Variants in ADCY5 observed in about 807,000 individuals in gnomAD.
ADCY5 encodes the protein adenylate cyclase type 5.
A neutral mutation model predicts 119.7 loss-of-function variants in ADCY5; 30 were observed. That is an observed-to-expected ratio of 0.25 (90% CI 0.19 to 0.34). The LOEUF (loss-of-function observed/expected upper bound fraction) is 0.34, where lower values mean the gene tolerates loss of function less well. Ranked by LOEUF, ADCY5 falls within the 10% of genes least tolerant of loss-of-function variation. The pLI is 1.00. For synonymous variants in ADCY5, 753 were observed against 762.2 expected (o/e 0.99, Z 0.20); for missense variants, 1,324 against 1,775.2 (o/e 0.75, Z 4.57).
chr3:123,358,454 T>C (rs552965898), intron 1 of ADCY5, among the ~76,000 whole-genome samples: 3 of 151,856 alleles, frequency 2.0e-5, no homozygotes, highest in Non-Finnish European at 4.4e-5. Context: ...AAAATAAAAA[T>C]AAAACAAATA....
rs1943499775 is a variant in ADCY5 at position 123,367,822 on chromosome 3, G to T, written c.1135-15241C>A. 11 of 1,503,386 alleles carry T rather than the reference G, an allele frequency of 7.3e-6. No individual in the cohort carries two copies. The Admixed American group carries it at 2.1e-4, about 29-fold the overall frequency. The allele number at this position is 1,503,386 out of a possible 1,614,324, so 93.1% of individuals were successfully genotyped here. A position where few individuals can be genotyped will look rare whatever the true frequency, so the allele number is the denominator to read the frequency against. ...CCCTCTTTCCATTCCTCACCTCTGGGGCTCATTTTAGGTCAGCAGAATCCA... is the reference window on the plus strand; with the variant it reads ...CCCTCTTTCCATTCCTCACCTCTGGTGCTCATTTTAGGTCAGCAGAATCCA... On this transcript the variant is annotated intron_variant, in intron 1 of 20. Transcript: ENST00000462833.
chr3:123,308,328 C>T (rs1940326287), intron 12 of ADCY5, among the ~76,000 whole-genome samples: 1 of 151,786 alleles, frequency 6.6e-6, no homozygotes, highest in Admixed American at 6.6e-5. Flanking sequence ...TGAGCCACTG[C>T]ACCCGGCCAC....
chr3:123,437,808 C>T (rs776601592), intron 1 of ADCY5, among the ~76,000 whole-genome samples: 18 of 152,184 alleles, frequency 1.2e-4, no homozygotes, highest in Non-Finnish European at 2.6e-4. Flanking sequence ...GAAAGACATT[C>T]AAGGGACCCC....
At position 123,447,941 on chromosome 3, in the gene ADCY5, A is replaced by ACCGCGCCGGGCC. The variant is rs2107658667; in HGVS notation, c.593_604dup (p.Gly198_Ala201dup). On this transcript the variant is annotated inframe_insertion, in exon 1 of 21. Coordinates refer to ENST00000462833, the MANE Select transcript of ADCY5 (RefSeq NM_183357.3). Reference sequence around the variant, plus strand: ...CAGGCAGCAGGCGCCCAGGGACAGCACCGCGCCGGGCCCCGCGCCCGAGCC... The same window carrying ACCGCGCCGGGCC: ...CAGGCAGCAGGCGCCCAGGGACAGCACCGCGCCGGGCCCCGCGCCGGGCCCCGCGCCCGAGCC... 5 of 1,572,240 alleles carry ACCGCGCCGGGCC rather than the reference A, an allele frequency of 3.2e-6. No individual in the cohort carries two copies. The highest frequency in any genetic ancestry group is 4.3e-6 in the Non-Finnish European group (5 of 1,157,974).
chr3:123,303,111 G>C lies in ADCY5; in HGVS notation c.2668C>G (p.Leu890Val). 6.2e-7 allele frequency: 1 copy of C among 1,613,888 alleles called. No homozygotes were observed. The highest frequency in any genetic ancestry group is 8.5e-7 in the Non-Finnish European group (1 of 1,180,028). ...CCACAGAAGCCCTGCTCATCGCCCA[G>C]GCTGTAGTTGACGGCCGACTCCGCC... ...HVAESAVNYSLGDEQGFCGSP... is the reference protein window; with the variant it reads ...HVAESAVNYSVGDEQGFCGSP... Residue 890 changes from leucine to valine, a missense_variant, in exon 14 of 21, where the codon CTG becomes GTG. Coordinates refer to ENST00000462833, the MANE Select transcript of ADCY5 (RefSeq NM_183357.3).
At position 123,289,944 on chromosome 3, in the gene ADCY5, T is replaced by C. The variant is rs200030919; in HGVS notation, c.3338A>G (p.Glu1113Gly). 2.0e-5 allele frequency: 32 copies of C among 1,613,990 alleles called. No homozygotes were observed. Among genetic ancestry groups the C allele is most frequent in the Non-Finnish European group, 2.7e-5 (32 of 1,180,002 alleles). The change falls in exon 19 of 21, where the codon GAG (glutamate) becomes GGG (glycine). Residue 1113 changes from glutamate (E) to glycine (G), a missense_variant. Physicochemically the swap from Glu to Gly is moderately conservative, Grantham distance 98 (BLOSUM62 -2). Transcript: ENST00000462833. ...IIADFDEIIS[E>G]DRFRQLEKIK... ...CTTCTCCAGCTGCCGGAACCGATCC[T>C]CGCTGATGATCTGGATGAAGGAGGC...
chr3:123,284,877 C>T, intron 20 of ADCY5, 141 bp from the exon 21 acceptor site: 1 of 1,117,950 alleles, frequency 8.9e-7, no homozygotes, highest in Non-Finnish European at 1.3e-6. Context: ...CACTGAGGTG[C>T]TCTCAGGGAC....
chr3:123,422,699 C>T (rs1428185726), intron 1 of ADCY5, among the ~76,000 whole-genome samples: 1 of 152,202 alleles, frequency 6.6e-6, no homozygotes, highest in African/African-American at 2.4e-5. Flanking sequence ...GCTGTAAGGA[C>T]TCGCCTCCTC....
At chr3:123,336,507 C>T (rs1269728437) in intron 3 of ADCY5, among the ~76,000 whole-genome samples, 2 of 152,228 alleles carry the variant, frequency 1.3e-5, no homozygotes, top group Non-Finnish European at 2.9e-5. Flanking sequence ...AAAGGCCTGG[C>T]TTTGGGGGCT....
intron 1 of ADCY5, among the ~76,000 whole-genome samples, chr3:123,431,397 T>A (rs1288854693): frequency 6.6e-6 from 1 of 151,868 alleles, no homozygotes; most frequent in Non-Finnish European, 1.5e-5. Context: ...ATTGTGCCTG[T>A]GAATAGCCCT....
chr3:123,367,820 G>A, intron 1 of ADCY5: 1 of 1,499,270 alleles, frequency 6.7e-7, no homozygotes, highest in Non-Finnish European at 8.9e-7. Context: ...CCTCACCTCT[G>A]GGGCTCATTT....
intron 1 of ADCY5, among the ~76,000 whole-genome samples, chr3:123,442,158 T>C (rs1178648436): frequency 1.3e-5 from 2 of 152,184 alleles, no homozygotes; most frequent in South Asian, 2.1e-4. Flanking sequence ...CACCATCATG[T>C]TGAAGCCCCC....
rs115604847 is a variant in ADCY5, at chr3:123,443,261, A to G, written c.1134+4151T>C. 3.2e-3 allele frequency among the ~76,000 whole-genome samples: 492 copies of G among 152,232 alleles called. 4 individuals are homozygous for G. The highest frequency in any genetic ancestry group is 0.011 in the African/African-American group (467 of 41,542). On this transcript the variant is annotated intron_variant, in intron 1 of 20. Transcript: ENST00000462833. ...CCATGGAGTCAGAAGAGCCCCAGGT[A>G]CTTACTTCCCTGGGGAGCCAGAGGT... is the stretch of plus-strand genomic sequence containing the variant.
At chr3:123,316,050 G>A (rs1940898053) in intron 11 of ADCY5, among the ~76,000 whole-genome samples, 1 of 152,188 alleles carries the variant, frequency 6.6e-6, no homozygotes, top group South Asian at 2.1e-4. Flanking sequence ...AGTCATGACA[G>A]ATACAAATGT....
chr3:123,357,364 T>G (rs1943077027), intron 1 of ADCY5, among the ~76,000 whole-genome samples: 1 of 152,002 alleles, frequency 6.6e-6, no homozygotes, highest in Non-Finnish European at 1.5e-5. Flanking sequence ...CAGAGTCTAT[T>G]TGGAGGCATG....
At chr3:123,324,489 G>A (rs184032683) in intron 8 of ADCY5, among the ~76,000 whole-genome samples, 2 of 138,512 alleles carry the variant, frequency 1.4e-5, no homozygotes, top group Admixed American at 7.5e-5. Flanking sequence ...GCCATCCCTC[G>A]GCCCTTCCTT....
intron 1 of ADCY5, among the ~76,000 whole-genome samples, chr3:123,381,403 C>A (rs980802820): frequency 1.3e-5 from 2 of 152,230 alleles, no homozygotes; most frequent in African/African-American, 2.4e-5. Flanking sequence ...TCCCAGAAGC[C>A]TCTCCCCAAA....
intron 1 of ADCY5, among the ~76,000 whole-genome samples, chr3:123,374,018 A>G (rs1414163672): frequency 6.6e-6 from 1 of 152,218 alleles, no homozygotes; most frequent in Non-Finnish European, 1.5e-5. Flanking sequence ...ATGGGACATA[A>G]GCACTCATGG....
chr3:123,288,592 G>A (rs763658795), intron 19 of ADCY5, among the ~76,000 whole-genome samples: 2 of 152,186 alleles, frequency 1.3e-5, no homozygotes, highest in East Asian at 1.9e-4. Context: ...TTTGTGGAAC[G>A]AGTTCAGAGC....
Sources: gnomAD v4.1 joint callset for allele counts (sites outside exome capture counted in the v4.1 genomes callset) on GRCh38, gnomAD v4.1.1 for gene constraint, MANE v1.5 for transcripts, NCBI Gene and HGNC (gene_info 2026-07-23, HGNC 2026-07-21) for gene names.